The following CALN1 variants were observed in gnomAD, a reference collection of about 807,000 sequenced individuals.
CALN1 encodes the protein calcium-binding protein 8.
In CALN1, 17 loss-of-function variants were observed where a neutral mutation model predicts 30.6. That is an observed-to-expected ratio of 0.56 (90% CI 0.38 to 0.83). The LOEUF is 0.83. CALN1 is among the 40% of genes least tolerant of loss of function. The pLI is 0.00. For synonymous variants in CALN1, 156 were observed against 131.4 expected (o/e 1.19, Z -1.28); for missense variants, 291 against 354.9 (o/e 0.82, Z 1.45).
intron 5 of CALN1, among the ~76,000 whole-genome samples, chr7:71,996,807 C>T (rs1475480922): frequency 1.3e-5 from 2 of 152,046 alleles, no homozygotes; most frequent in East Asian, 1.9e-4. Flanking sequence ...AAGAAGTCAC[C>T]ATGATGTTTC....
intron 4 of CALN1, among the ~76,000 whole-genome samples, chr7:72,065,140 T>C (rs941904080): frequency 2.0e-5 from 3 of 148,424 alleles, no homozygotes; most frequent in Non-Finnish European, 4.5e-5. Flanking sequence ...ATATTTATAT[T>C]TTAAAATATT....
chr7:72,247,658 G>A (rs1795282905), intron 3 of CALN1, among the ~76,000 whole-genome samples: 1 of 152,134 alleles, frequency 6.6e-6, no homozygotes, highest in African/African-American at 2.4e-5. Flanking sequence ...GTTTCCTGTG[G>A]TTGCTGCGAC....
At chr7:72,094,794 C>G (rs1484963320) in intron 4 of CALN1, among the ~76,000 whole-genome samples, 2 of 152,118 alleles carry the variant, frequency 1.3e-5, no homozygotes, top group African/African-American at 4.8e-5. Flanking sequence ...CTCCCTTCAC[C>G]AAAACAATGA....
At chr7:72,483,791 C>T in the CALN1 span, among the ~76,000 whole-genome samples, 1 of 151,736 alleles carries the variant, frequency 6.6e-6, no homozygotes, top group Non-Finnish European at 1.5e-5. Flanking sequence ...TCCTTGTTTT[C>T]TCTCTTTTCT....
chr7:72,088,145 GAC>G (rs1182843800), intron 4 of CALN1, among the ~76,000 whole-genome samples: 1 of 152,076 alleles, frequency 6.6e-6, no homozygotes, highest in Admixed American at 6.6e-5. Flanking sequence ...TCCAGCCTGG[GAC>G]ACAGAGTCAG....
chr7:71,933,861 G>T (rs1025208321), intron 5 of CALN1, among the ~76,000 whole-genome samples: 1 of 152,124 alleles, frequency 6.6e-6, no homozygotes, highest in Non-Finnish European at 1.5e-5. Flanking sequence ...CCTTAGCAGG[G>T]TCAAGGGATT....
upstream of CALN1, among the ~76,000 whole-genome samples, chr7:72,448,109 CAT>C (rs368097131): frequency 2.5e-3 from 375 of 152,322 alleles, 2 homozygotes; most frequent in African/African-American, 8.4e-3. Context: ...CAGGTACACA[CAT>C]GTCTGCCCGT....
At chr7:72,023,562 T>C in intron 5 of CALN1, 95 bp downstream of exon 5, 1 of 861,894 alleles carries the variant, frequency 1.2e-6, no homozygotes, top group South Asian at 1.6e-5. Context: ...GAAGAGATCT[T>C]CACGTGCCAA....
intron 4 of CALN1, among the ~76,000 whole-genome samples, chr7:72,061,270 G>T (rs1321706452): frequency 6.6e-6 from 1 of 152,164 alleles, no homozygotes; most frequent in African/African-American, 2.4e-5. Context: ...AGGAAAATTT[G>T]ACCTGTATAA....
At chr7:72,238,798 G>T (rs979945791) in intron 3 of CALN1, among the ~76,000 whole-genome samples, 2 of 152,202 alleles carry the variant, frequency 1.3e-5, no homozygotes, top group Non-Finnish European at 2.9e-5. Flanking sequence ...CTGTAGAACT[G>T]TAAGTCAATT....
At chr7:72,392,803 C>T (rs1805662063) in intron 2 of CALN1, among the ~76,000 whole-genome samples, 1 of 149,894 alleles carries the variant, frequency 6.7e-6, no homozygotes, top group Non-Finnish European at 1.5e-5. Context: ...CATAGCAAGA[C>T]CCTGTTTAAA....
chr7:72,480,867 A>C, the CALN1 span, among the ~76,000 whole-genome samples: 1 of 152,156 alleles, frequency 6.6e-6, no homozygotes, highest in African/African-American at 2.4e-5. Context: ...TGTATATGGA[A>C]TCTCTAACGA....
chr7:72,324,304 T>A (rs977304941), intron 2 of CALN1, among the ~76,000 whole-genome samples: 1 of 152,038 alleles, frequency 6.6e-6, no homozygotes, highest in Non-Finnish European at 1.5e-5. Flanking sequence ...CTGGAGGGAT[T>A]TCACCTCCTC....
intron 4 of CALN1, among the ~76,000 whole-genome samples, chr7:72,039,311 T>C (rs894477303): frequency 6.6e-6 from 1 of 152,134 alleles, no homozygotes; most frequent in African/African-American, 2.4e-5. Context: ...GTAGGTGGCG[T>C]GTTGGATGAG....
At chr7:72,315,992 A>AG (rs1353559928) in intron 2 of CALN1, among the ~76,000 whole-genome samples, 1 of 151,676 alleles carries the variant, frequency 6.6e-6, no homozygotes, top group Non-Finnish European at 1.5e-5. Context: ...ACTAAAAAAA[A>AG]ATACAAAAAC....
At position 72,397,707 on chromosome 7, in the gene CALN1, TTCTC is replaced by T. The variant is rs775132024; in HGVS notation, c.119+5540_119+5543del. 3.7e-3 allele frequency among the ~76,000 whole-genome samples: 187 copies of T among 49,998 alleles called. 1 individual carries two copies. Among genetic ancestry groups the T allele is most frequent in the African/African-American group, 0.016 (183 of 11,240 alleles). 32.8% of individuals were successfully genotyped at this position (49,998 alleles called of 152,430 possible). A position where few individuals can be genotyped will look rare whatever the true frequency, so the allele number is the denominator to read the frequency against. On this transcript the variant is annotated intron_variant, in intron 2 of 6. Coordinates refer to ENST00000395275, the MANE Select transcript of CALN1 (RefSeq NM_031468.4). ...CTTGGGGGATCTTGGAGAGCACCCA[TTCTC>T]TCTCACACACACACACACACACACA...
intron 4 of CALN1, 93 bp downstream of exon 4, chr7:72,106,058 G>A: frequency 6.8e-7 from 1 of 1,461,374 alleles, no homozygotes; most frequent in Non-Finnish European, 9.2e-7. Context: ...CCAAGTCTCT[G>A]GATTTAAAAG....
intron 4 of CALN1, among the ~76,000 whole-genome samples, chr7:72,101,734 C>T (rs1195978928): frequency 6.6e-6 from 1 of 152,166 alleles, no homozygotes; most frequent in African/African-American, 2.4e-5. Context: ...CAAACATCTC[C>T]TTATCATAAC....
chr7:72,243,079 G>A (rs1337712816), intron 3 of CALN1, among the ~76,000 whole-genome samples: 1 of 152,176 alleles, frequency 6.6e-6, no homozygotes, highest in African/African-American at 2.4e-5. Flanking sequence ...GTGAATGCTT[G>A]AAGCCTTAAT....
Sources: allele counts gnomAD v4.1 joint callset (sites outside exome capture counted in the v4.1 genomes callset), GRCh38; gene constraint gnomAD v4.1.1; transcripts MANE v1.5; gene names NCBI Gene and HGNC (gene_info 2026-07-23, HGNC 2026-07-21).